RNF14: variants seen among roughly 807,000 people sequenced by gnomAD.
The protein encoded by RNF14 is ring finger protein 14, also known as E3 ubiquitin-protein ligase RNF14.
A neutral mutation model predicts 52.6 loss-of-function variants in RNF14; 26 were observed. The ratio of observed to expected loss-of-function variants is 0.49; its 90% CI spans 0.36 to 0.69. The LOEUF (loss-of-function observed/expected upper bound fraction) is 0.69. RNF14 is among the 30% of genes least tolerant of loss of function. RNF14 has a pLI of 0.00. For missense variants in RNF14, 404 were observed against 560.4 expected (o/e 0.72, Z 2.82); for synonymous variants, 194 against 202.0 (o/e 0.96, Z 0.34).
At chr5:141,952,264 C>T in the RNF14 span, among the ~76,000 whole-genome samples, 1 of 152,070 alleles carries the variant, frequency 6.6e-6, no homozygotes, top group Admixed American at 6.5e-5. Flanking sequence ...TGCCTCTGGG[C>T]ATAGGGAAAG....
chr5:141,987,886 T>C lies in RNF14; in HGVS notation c.*96T>C. On this transcript the variant is annotated 3_prime_UTR_variant, in exon 9 of 9. Coordinates refer to ENST00000394520, the MANE Select transcript of RNF14 (RefSeq NM_004290.5). ...TGCGGGATATTTAGGGTACTATTCA[T>C]TCACTCTTCCTGCGTAGAAGATATG... The C allele has an allele frequency of 8.9e-7, 1 of 1,125,554 alleles. No homozygotes were observed. Among genetic ancestry groups the C allele is most frequent in the Non-Finnish European group, 1.4e-6 (1 of 739,260 alleles). The allele number at this position is 1,125,554 out of a possible 1,614,324, so 69.7% of individuals were successfully genotyped here.
At chr5:141,960,491 C>T (rs1462286680) in intron 1 of RNF14, among the ~76,000 whole-genome samples, 2 of 152,168 alleles carry the variant, frequency 1.3e-5, no homozygotes, top group African/African-American at 4.8e-5. Flanking sequence ...GCAAGAGGGT[C>T]AGTGCAGTAG....
Position 141,983,471 on chromosome 5 carries a change from G to A in RNF14, c.1155G>A (p.Gln385=). The A allele has an allele frequency of 6.2e-7, 1 of 1,613,578 alleles. No individual in the cohort carries two copies. The highest frequency in any genetic ancestry group is 8.5e-7 in the Non-Finnish European group (1 of 1,179,972). ...LDQRYGKRVI[Q]KALEEMESKE... The stretch of plus-strand genomic sequence containing the variant: ...AAAGGTATGGTAAGAGAGTGATTCA[G>A]AAGGCACTGGAAGAGATGGAAAGTA... The change falls in exon 7 of 9, where the codon CAG becomes CAA. Residue 385 remains glutamine, a synonymous_variant. Transcript: ENST00000394520.
At chr5:141,957,117 A>G, upstream of RNF14, 1 of 1,614,150 alleles carries the variant, frequency 6.2e-7, no homozygotes, top group Non-Finnish European at 8.5e-7. The surrounding 1 kb of genome is among the most constrained non-coding windows in gnomAD (Gnocchi z 4.3). Context: ...GTGAACTCTC[A>G]GCAAACGCAG....
At chr5:141,968,509 G>C (rs888698525), upstream of RNF14, among the ~76,000 whole-genome samples, 2 of 152,176 alleles carry the variant, frequency 1.3e-5, no homozygotes, top group Non-Finnish European at 2.9e-5. Context: ...TTTAATTCCT[G>C]CTTAGCCTGA....
At chr5:141,961,260 A>G (rs1753273335) in intron 1 of RNF14, among the ~76,000 whole-genome samples, 1 of 152,154 alleles carries the variant, frequency 6.6e-6, no homozygotes. Context: ...CAAAAAAATG[A>G]TGCATAGGTC....
At chr5:141,969,711 C>G (rs1753570451) in intron 1 of RNF14, 1 of 152,240 alleles carries the variant, frequency 6.6e-6, no homozygotes, top group Non-Finnish European at 1.5e-5. Flanking sequence ...AGTTCTTAGC[C>G]CTGGCTGCAT....
intron 7 of RNF14, among the ~76,000 whole-genome samples, 196 bp from the exon 8 acceptor site, chr5:141,984,607 C>T (rs1257559363): frequency 6.6e-6 from 1 of 152,152 alleles, no homozygotes; most frequent in African/African-American, 2.4e-5. Flanking sequence ...TGTAGTAACA[C>T]TAGCTATTTT....
At chr5:141,966,280 C>T (rs577315043), upstream of RNF14, among the ~76,000 whole-genome samples, 4 of 152,040 alleles carry the variant, frequency 2.6e-5, no homozygotes, top group Non-Finnish European at 1.5e-5. Flanking sequence ...GAGTGAGACT[C>T]GGTCTCAAAA....
In RNF14 at chr5:141,978,585, C is replaced by A. The variant is rs1386751760; in HGVS notation, c.589C>A (p.Leu197Met). 1.9e-6 allele frequency: 3 copies of A among 1,614,088 alleles called. No individual in the cohort carries two copies. Among genetic ancestry groups the A allele is most frequent in the Non-Finnish European group, 1.7e-6 (2 of 1,179,942 alleles). The change falls in exon 5 of 9, where the codon CTG becomes ATG. Residue 197 changes from leucine to methionine, a missense_variant. Transcript: ENST00000394520. ...GCAGGATGTGGAATCACTGTCAAATCTGATCCAGGAAATCTTGGACTTTGA... is the reference window on the plus strand; with the variant it reads ...GCAGGATGTGGAATCACTGTCAAATATGATCCAGGAAATCTTGGACTTTGA... ...AVQDVESLSN[L>M]IQEILDFDQA...
At chr5:141,985,857 A>G (rs927181355) in intron 8 of RNF14, among the ~76,000 whole-genome samples, 14 of 152,168 alleles carry the variant, frequency 9.2e-5, no homozygotes, top group Non-Finnish European at 1.5e-4. Context: ...CCAGCAAAAC[A>G]TTCACTTTTT....
chr5:141,969,221 C>CG (rs1753501633), intron 1 of RNF14, 54 bp downstream of exon 1: 1 of 153,610 alleles, frequency 6.5e-6, no homozygotes. Flanking sequence ...TCGGCACTGC[C>CG]GGGCGGCCGG....
At position 141,988,398 on chromosome 5, in the gene RNF14, T is replaced by TA. The variant is rs1755417432; in HGVS notation, c.*609dup. ...TCAGAATGGAAATTTATAATATAAATATATGTTTTAATACCACAAACACTG... is the reference window on the plus strand; with the variant it reads ...TCAGAATGGAAATTTATAATATAAATAATATGTTTTAATACCACAAACACTG... On this transcript the variant is annotated 3_prime_UTR_variant, in exon 9 of 9. Transcript: ENST00000394520. 1 of 152,276 alleles carries TA rather than the reference T, an allele frequency of 6.6e-6. No individual in the cohort carries two copies. Among genetic ancestry groups the TA allele is most frequent in the Non-Finnish European group, 1.5e-5 (1 of 68,086 alleles). 9.4% of individuals were successfully genotyped at this position (152,276 alleles called of 1,614,324 possible). A position where few individuals can be genotyped will look rare whatever the true frequency, so the allele number is the denominator to read the frequency against.
At chr5:141,985,143 T>G (rs1015930410) in intron 8 of RNF14, among the ~76,000 whole-genome samples, 12 of 35,206 alleles carry the variant, frequency 3.4e-4, no homozygotes, top group African/African-American at 5.1e-4. Flanking sequence ...TAGTGAAAGT[T>G]TTCAAACACA....
At chr5:141,968,530 G>A (rs1332904313), upstream of RNF14, among the ~76,000 whole-genome samples, 1 of 152,236 alleles carries the variant, frequency 6.6e-6, no homozygotes, top group African/African-American at 2.4e-5. Context: ...CGATAATCAT[G>A]TGACCCTTGG....
upstream of RNF14, chr5:141,953,331 C>G (rs117716028): frequency 6.6e-6 from 1 of 152,228 alleles, no homozygotes; most frequent in Non-Finnish European, 1.5e-5. Flanking sequence ...TGGTGGGTTA[C>G]GAGGTTTAAA....
At chr5:141,962,451 T>G (rs1192643345), upstream of RNF14, among the ~76,000 whole-genome samples, 1 of 152,186 alleles carries the variant, frequency 6.6e-6, no homozygotes, top group Non-Finnish European at 1.5e-5. Flanking sequence ...AGTCTGTAAT[T>G]GCCAGCTCAG....
At chr5:141,950,380 A>G in the RNF14 span, among the ~76,000 whole-genome samples, 2 of 152,166 alleles carry the variant, frequency 1.3e-5, no homozygotes, top group Non-Finnish European at 2.9e-5. Context: ...GCTGTGAAGA[A>G]ATGAGCAGGG....
chr5:141,955,324 T>G (rs1753159636), upstream of RNF14: 1 of 1,614,202 alleles, frequency 6.2e-7, no homozygotes, highest in Non-Finnish European at 8.5e-7. The surrounding 1 kb of genome is among the most constrained non-coding windows in gnomAD (Gnocchi z 5.5). Context: ...GACCGTGTCT[T>G]GCAGCACCTC....
Sources: allele counts gnomAD v4.1 joint callset (sites outside exome capture counted in the v4.1 genomes callset), GRCh38; gene constraint gnomAD v4.1.1; non-coding constraint Gnocchi (gnomAD v3.1); transcripts MANE v1.5; gene names NCBI Gene and HGNC (gene_info 2026-07-23, HGNC 2026-07-21).